Variants in SUMF1 observed in about 807,000 individuals in gnomAD.
SUMF1 encodes formylglycine-generating enzyme.
In SUMF1, 48 loss-of-function variants were observed where a neutral mutation model predicts 47.6. The ratio of observed to expected loss-of-function variants is 1.01; its 90% CI spans 0.80 to 1.28. The LOEUF (loss-of-function observed/expected upper bound fraction) is 1.28, where lower values mean the gene tolerates loss of function less well. SUMF1 is among the 50% of genes most tolerant of loss of function. The pLI, the probability that SUMF1 is intolerant of heterozygous loss-of-function variation, is 0.00. For missense variants in SUMF1, 571 were observed against 485.4 expected, an observed-to-expected ratio of 1.18 and a Z score of -1.66; for synonymous variants, 230 against 192.1, an observed-to-expected ratio of 1.20 and a Z score of -1.63.
chr3:4,057,307 A>G (rs1695209431), intron 9 of SUMF1, among the ~76,000 whole-genome samples: 2 of 152,238 alleles, frequency 1.3e-5, no homozygotes, highest in South Asian at 4.1e-4. Flanking sequence ...GCTGGAGGCC[A>G]GTTGCTCTTG....
intron 8 of SUMF1, among the ~76,000 whole-genome samples, chr3:4,166,011 C>A (rs1694698894): frequency 1.3e-5 from 2 of 152,016 alleles, no homozygotes; most frequent in Non-Finnish European, 2.9e-5. Flanking sequence ...TTGAGCTCAC[C>A]AATGCAGCAG....
chr3:4,357,618 T>TTTAC (rs1699649833), downstream of SUMF1, among the ~76,000 whole-genome samples: 1 of 139,572 alleles, frequency 7.2e-6, no homozygotes, highest in African/African-American at 2.8e-5. Flanking sequence ...TATTTATTTA[T>TTTAC]TTATTTTGAG....
chr3:4,054,440 G>T (rs574302662), intron 9 of SUMF1, among the ~76,000 whole-genome samples: 1 of 152,266 alleles, frequency 6.6e-6, no homozygotes, highest in East Asian at 1.9e-4. Flanking sequence ...CCACCACCTT[G>T]TCAAATTATC....
chr3:4,133,298 G>C (rs548920138), intron 8 of SUMF1, among the ~76,000 whole-genome samples: 1 of 152,012 alleles, frequency 6.6e-6, no homozygotes, highest in African/African-American at 2.4e-5. Flanking sequence ...AGTGTGTTTC[G>C]GGTTGTATGA....
chr3:4,238,867 G>A (rs1405652758), intron 8 of SUMF1, among the ~76,000 whole-genome samples: 1 of 152,090 alleles, frequency 6.6e-6, no homozygotes, highest in East Asian at 1.9e-4. Flanking sequence ...TGTCCTGAAT[G>A]GTATTGCCCA....
intron 7 of SUMF1, among the ~76,000 whole-genome samples, chr3:4,382,017 G>A: frequency 6.6e-6 from 1 of 152,182 alleles, no homozygotes; most frequent in East Asian, 1.9e-4. Flanking sequence ...CAGCACTACA[G>A]CCTAGACAAC....
At chr3:4,221,269 C>T (rs971821454) in intron 8 of SUMF1, among the ~76,000 whole-genome samples, 1 of 152,094 alleles carries the variant, frequency 6.6e-6, no homozygotes, top group Non-Finnish European at 1.5e-5. Context: ...ATGTTCCTTG[C>T]CTTCTTAGAG....
In SUMF1 at chr3:4,406,030, C is replaced by A. The variant is rs187185343; in HGVS notation, c.954+4835G>T. Among the ~76,000 whole-genome samples, 3 of 151,908 alleles carry A rather than the reference C, an allele frequency of 2.0e-5. No homozygotes were observed. The East Asian group carries it at 5.8e-4, about 29-fold the overall frequency. ...TTTCTTTCCCTCTGCTTCTTTTTTTCTTTTTTCCCTGCCTCGCCCCACACC... is the reference window on the plus strand; with the variant it reads ...TTTCTTTCCCTCTGCTTCTTTTTTTATTTTTTCCCTGCCTCGCCCCACACC... On this transcript the variant is annotated intron_variant, in intron 7 of 8. Transcript: ENST00000272902.
intron 8 of SUMF1, among the ~76,000 whole-genome samples, chr3:4,267,194 G>A (rs1227416218): frequency 6.6e-6 from 1 of 151,878 alleles, no homozygotes; most frequent in Non-Finnish European, 1.5e-5. Flanking sequence ...CTCTTTTTTG[G>A]TTGTGTCTCT....
At chr3:4,245,965 C>G (rs61267483) in intron 8 of SUMF1, among the ~76,000 whole-genome samples, 4,149 of 152,236 alleles carry the variant, frequency 0.027, 190 homozygotes, top group African/African-American at 0.095. Flanking sequence ...CCTCAGCAAT[C>G]GTGGATGCCC....
chr3:4,069,310 G>T (rs1404903286), intron 8 of SUMF1, among the ~76,000 whole-genome samples: 2 of 152,122 alleles, frequency 1.3e-5, no homozygotes, highest in South Asian at 2.1e-4. Flanking sequence ...AATGCAAGTA[G>T]GTCCCACTTC....
intron 3 of SUMF1, among the ~76,000 whole-genome samples, chr3:4,428,918 T>C (rs1702149601): frequency 1.3e-5 from 2 of 152,236 alleles, no homozygotes; most frequent in African/African-American, 4.8e-5. Flanking sequence ...ATGTTTTCAT[T>C]GATTTTATTG....
intron 8 of SUMF1, among the ~76,000 whole-genome samples, chr3:4,364,480 C>T (rs1489947215): frequency 1.3e-5 from 2 of 149,068 alleles, no homozygotes; most frequent in African/African-American, 2.5e-5. Context: ...GGAATTTATC[C>T]ATTTCTTCTA....
intron 8 of SUMF1, among the ~76,000 whole-genome samples, chr3:4,332,605 T>C (rs959916559): frequency 6.6e-6 from 1 of 152,192 alleles, no homozygotes; most frequent in Non-Finnish European, 1.5e-5. Flanking sequence ...TTCTTAAAGA[T>C]GTTTCTTTTA....
rs577254491 is a variant in SUMF1 at position 4,220,098 on chromosome 3, G to C, written c.1015-151353C>G. On this transcript the variant is annotated intron_variant and NMD_transcript_variant, in intron 8 of 12. Transcript: ENST00000448413. ...AAAAATTCTAAAGAGCATTACATAA[G>C]TCACTACAATTTCTTCTCTTTGTTT... Among the ~76,000 whole-genome samples, 42 of 151,998 alleles carry C rather than the reference G, an allele frequency of 2.8e-4. 1 individual carries two copies. Among genetic ancestry groups the C allele is most frequent in the Non-Finnish European group, 5.0e-4 (34 of 67,986 alleles).
intron 8 of SUMF1, among the ~76,000 whole-genome samples, chr3:4,195,099 T>C (rs1194358882): frequency 6.6e-6 from 1 of 152,158 alleles, no homozygotes; most frequent in Non-Finnish European, 1.5e-5. Flanking sequence ...TATCTGTCTG[T>C]TCTCTATAGC....
intron 3 of SUMF1, among the ~76,000 whole-genome samples, chr3:4,423,287 C>CACAA (rs1701964886): frequency 1.1e-5 from 1 of 92,120 alleles, no homozygotes; most frequent in Admixed American, 1.2e-4. Flanking sequence ...GATACACACA[C>CACAA]ACACACACAC....
rs1315514561 is a variant in SUMF1 at position 4,175,284 on chromosome 3, GT to G, written c.1015-106540del. ...AACTGGGAGACACCTCCCAGTTGGG[GT>G]CGACAGTCACCTCATACAGCCAGCT... On this transcript the variant is annotated intron_variant and NMD_transcript_variant, in intron 8 of 12. Coordinates refer to the SUMF1 transcript ENST00000448413. 3.9e-5 allele frequency among the ~76,000 whole-genome samples: 6 copies of G among 152,208 alleles called. No homozygotes were observed. The East Asian group carries it at 1.2e-3, about 29-fold the overall frequency.
At chr3:4,419,106 A>G (rs980302780) in intron 4 of SUMF1, among the ~76,000 whole-genome samples, 1 of 152,214 alleles carries the variant, frequency 6.6e-6, no homozygotes, top group Non-Finnish European at 1.5e-5. Flanking sequence ...TGTTGACTGC[A>G]TGGATAACAT....
Sources: allele counts gnomAD v4.1 joint callset (sites outside exome capture counted in the v4.1 genomes callset), GRCh38; gene constraint gnomAD v4.1.1; transcripts MANE v1.5; gene names NCBI Gene and HGNC (gene_info 2026-07-23, HGNC 2026-07-21).